Variants in DCDC1 observed in about 807,000 individuals in gnomAD.
DCDC1 encodes the protein doublecortin domain-containing protein 1.
In DCDC1, 200 loss-of-function variants were observed where a neutral mutation model predicts 178.3. The ratio of observed to expected loss-of-function variants is 1.12; its 90% CI spans 1.00 to 1.26. The LOEUF (loss-of-function observed/expected upper bound fraction) is 1.26, where lower values mean the gene tolerates loss of function less well. DCDC1 is among the 50% of genes most tolerant of loss of function. The pLI is 0.00. For synonymous variants in DCDC1, 690 were observed against 604.8 expected (o/e 1.14, Z -2.07); for missense variants, 1,983 against 1,749.2 (o/e 1.13, Z -2.38).
intron 17 of DCDC1, among the ~76,000 whole-genome samples, chr11:31,083,864 C>A (rs1957331839): frequency 6.6e-6 from 1 of 152,140 alleles, no homozygotes; most frequent in Non-Finnish European, 1.5e-5. Context: ...AGTCCAGATA[C>A]CCTGCATATC....
At chr11:31,043,489 T>C (rs1405811061) in intron 20 of DCDC1, among the ~76,000 whole-genome samples, 4 of 152,202 alleles carry the variant, frequency 2.6e-5, no homozygotes. Context: ...GAAAATTTTT[T>C]TCCCTAATGG....
chr11:31,083,500 C>T (rs1590983764), intron 17 of DCDC1, among the ~76,000 whole-genome samples: 1 of 152,058 alleles, frequency 6.6e-6, no homozygotes, highest in Admixed American at 6.5e-5. Flanking sequence ...CCAAAGGGAA[C>T]GGTGGAGAAT....
At chr11:31,213,734 A>T (rs1973157784) in intron 9 of DCDC1, among the ~76,000 whole-genome samples, 1 of 151,882 alleles carries the variant, frequency 6.6e-6, no homozygotes, top group Non-Finnish European at 1.5e-5. Flanking sequence ...AAAAAACAAA[A>T]AAAAAAGTGG....
At chr11:31,330,867 T>G (rs960716827) in intron 2 of DCDC1, among the ~76,000 whole-genome samples, 5 of 152,198 alleles carry the variant, frequency 3.3e-5, no homozygotes, top group Non-Finnish European at 5.9e-5. Flanking sequence ...CTTAGGATTG[T>G]CTTGGCAATG....
intron 20 of DCDC1, among the ~76,000 whole-genome samples, chr11:30,967,970 G>A (rs1326475292): frequency 6.6e-6 from 1 of 152,102 alleles, no homozygotes. Flanking sequence ...AATATTAGTA[G>A]GAAGTCCACA....
intron 20 of DCDC1, among the ~76,000 whole-genome samples, chr11:30,987,077 C>G (rs1245901775): frequency 6.6e-6 from 1 of 152,158 alleles, no homozygotes; most frequent in Admixed American, 6.5e-5. Flanking sequence ...AGTGCCGTAG[C>G]ATAATCTAGG....
intron 8 of DCDC1, among the ~76,000 whole-genome samples, chr11:31,244,854 A>G (rs1165494086): frequency 1.3e-5 from 2 of 151,788 alleles, no homozygotes; most frequent in Non-Finnish European, 2.9e-5. Context: ...AATTAAAATT[A>G]ATCCAATCAT....
intron 9 of DCDC1, among the ~76,000 whole-genome samples, chr11:31,153,742 C>T (rs928355590): frequency 7.4e-5 from 11 of 149,406 alleles, no homozygotes; most frequent in African/African-American, 2.5e-5. Context: ...GAGATTGTGC[C>T]ACAGCACTCC....
At chr11:31,053,092 T>C (rs1955361766) in intron 20 of DCDC1, among the ~76,000 whole-genome samples, 1 of 151,856 alleles carries the variant, frequency 6.6e-6, no homozygotes, top group Non-Finnish European at 1.5e-5. Context: ...ATTAGTAAGA[T>C]TAACGAAGAA....
At chr11:31,234,913 T>C (rs1281031195) in intron 9 of DCDC1, among the ~76,000 whole-genome samples, 1 of 152,204 alleles carries the variant, frequency 6.6e-6, no homozygotes. Flanking sequence ...ATAAAATTTA[T>C]TCTCATTTCA....
At chr11:31,308,030 T>C in intron 3 of DCDC1, 122 bp from the exon 4 acceptor site, 2 of 1,265,788 alleles carry the variant, frequency 1.6e-6, no homozygotes, top group East Asian at 2.4e-5. Flanking sequence ...TTAGCCATTA[T>C]TTTGTTTAAT....
chr11:30,884,711 T>C (rs1025080777), intron 36 of DCDC1, among the ~76,000 whole-genome samples: 2 of 151,944 alleles, frequency 1.3e-5, no homozygotes, highest in African/African-American at 4.8e-5. Flanking sequence ...ACAAAAAAAC[T>C]ATAAAATTTT....
intron 10 of DCDC1, among the ~76,000 whole-genome samples, chr11:31,137,294 T>C (rs1484187296): frequency 6.6e-6 from 1 of 152,086 alleles, no homozygotes; most frequent in African/African-American, 2.4e-5. Flanking sequence ...TAACAAGAGT[T>C]GATTTACTAT....
chr11:31,180,751 G>A (rs746842904), intron 9 of DCDC1, among the ~76,000 whole-genome samples: 20 of 152,106 alleles, frequency 1.3e-4, no homozygotes, highest in Non-Finnish European at 2.6e-4. Flanking sequence ...AGGACCGTGG[G>A]TTTCAAGCAC....
chr11:31,182,823 A>G (rs530545072), intron 9 of DCDC1, among the ~76,000 whole-genome samples: 2 of 152,326 alleles, frequency 1.3e-5, no homozygotes, highest in Admixed American at 6.5e-5. Flanking sequence ...ATAAAGATTC[A>G]AGACCCATAG....
At chr11:31,149,826 C>G (rs1255239540) in intron 9 of DCDC1, among the ~76,000 whole-genome samples, 2 of 152,178 alleles carry the variant, frequency 1.3e-5, no homozygotes, top group East Asian at 3.9e-4. Flanking sequence ...CTCTGAACAT[C>G]TGAAGGAACA....
At chr11:31,244,525 T>C (rs1977592938) in intron 8 of DCDC1, among the ~76,000 whole-genome samples, 1 of 151,818 alleles carries the variant, frequency 6.6e-6, no homozygotes, top group African/African-American at 2.4e-5. Flanking sequence ...CTATGGTCTT[T>C]TAATATTTGT....
At chr11:31,280,945 CT>C in intron 7 of DCDC1, 3 of 636,168 alleles carry the variant, frequency 4.7e-6, no homozygotes, top group East Asian at 3.6e-5. Flanking sequence ...ACTGGGCACA[CT>C]TTTGAACAAA....
intron 17 of DCDC1, among the ~76,000 whole-genome samples, chr11:31,086,124 C>T (rs147148929): frequency 6.6e-6 from 1 of 152,200 alleles, no homozygotes; most frequent in African/African-American, 2.4e-5. Context: ...AGTAGAATGG[C>T]TGGGTCATAA....
Sources: gnomAD v4.1 joint callset for allele counts (sites outside exome capture counted in the v4.1 genomes callset) on GRCh38, gnomAD v4.1.1 for gene constraint, MANE v1.5 for transcripts, NCBI Gene and HGNC (gene_info 2026-07-23, HGNC 2026-07-21) for gene names.